Variants in EP400 observed in about 807,000 individuals in gnomAD.
The protein encoded by EP400 is E1A-binding protein p400.
A neutral mutation model predicts 354.1 loss-of-function variants in EP400; 105 were observed. That is an observed-to-expected ratio of 0.30 (90% CI 0.25 to 0.35). The LOEUF (loss-of-function observed/expected upper bound fraction) is 0.35. Ranked by LOEUF, EP400 falls within the 10% of genes least tolerant of loss-of-function variation. The probability of loss-of-function intolerance (pLI) is 1.00; values close to 1 mark genes in which losing one functional copy is unlikely to be tolerated. For missense variants in EP400, 3,280 were observed against 4,121.0 expected (o/e 0.80, Z 5.59); for synonymous variants, 1,646 against 1,716.9 (o/e 0.96, Z 1.02).
intron 7 of EP400, 60 bp from the exon 8 acceptor site, chr12:131,989,904 C>T: frequency 1.3e-5 from 20 of 1,581,140 alleles, no homozygotes; most frequent in Non-Finnish European, 1.6e-5. Context: ...AGTTACATAT[C>T]CTTTTTTTTC....
chr12:131,975,138 G>A (rs1892427432), intron 2 of EP400, among the ~76,000 whole-genome samples: 1 of 152,108 alleles, frequency 6.6e-6, no homozygotes. Context: ...GAACCCAGGG[G>A]CAGCAGGACC....
At chr12:132,011,356 T>TC (rs548642500) in intron 15 of EP400, 142 bp from the exon 16 acceptor site, 19 of 1,019,020 alleles carry the variant, frequency 1.9e-5, no homozygotes, top group East Asian at 1.8e-4. Context: ...ATGCACTTGT[T>TC]CCCCCCCAAG....
chr12:132,009,464 C>T (rs1000179970), intron 15 of EP400, among the ~76,000 whole-genome samples: 1 of 152,092 alleles, frequency 6.6e-6, no homozygotes, highest in South Asian at 2.1e-4. Flanking sequence ...CCAGCTGGAG[C>T]AAGGTCTCAG....
chr12:132,043,234 G>C, intron 32 of EP400, 70 bp from the exon 33 acceptor site: 5 of 1,537,658 alleles, frequency 3.3e-6, no homozygotes, highest in Non-Finnish European at 4.4e-6. Flanking sequence ...CTTTACATGG[G>C]ATAGCTCTTT....
At position 132,045,644 on chromosome 12, in the gene EP400, C is replaced by G. The variant is rs577063518; in HGVS notation, c.7027-83C>G. 6 of 1,603,186 alleles carry G rather than the reference C, an allele frequency of 3.7e-6. No homozygotes were observed. The South Asian group carries it at 5.6e-5, about 15-fold the overall frequency. On this transcript the variant is annotated intron_variant, in intron 38 of 52. Transcript: ENST00000389561. Reference sequence around the variant, plus strand: ...CCGTGCATCCAGCTCACTGTGATCACTTTGCAGGGAGTCTTTGGCAAGAGG... The same window carrying G: ...CCGTGCATCCAGCTCACTGTGATCAGTTTGCAGGGAGTCTTTGGCAAGAGG...
chr12:131,955,611 T>A (rs1361524978), intron 1 of EP400, among the ~76,000 whole-genome samples: 1 of 151,212 alleles, frequency 6.6e-6, no homozygotes, highest in Admixed American at 6.6e-5. Flanking sequence ...TATGGTTGAA[T>A]TTTTTTTCTT....
In EP400 at chr12:132,032,662, ACT is replaced by A. The variant is rs551064885; in HGVS notation, c.5951+516_5951+517del. ...TTTCTTTTTTTTGAGATGGAGTCTT[ACT>A]CTGTCGCTCAGGCGGTAGTGCAGTG... On this transcript the variant is annotated intron_variant, in intron 30 of 52. Transcript: ENST00000389561. Among the ~76,000 whole-genome samples, 473 of 138,638 alleles carry A rather than the reference ACT, an allele frequency of 3.4e-3. 3 individuals are homozygous for A. The highest frequency in any genetic ancestry group is 9.0e-3 in the Middle Eastern group (2 of 222). 91.0% of individuals were successfully genotyped at this position (138,638 alleles called of 152,430 possible). A position where few individuals can be genotyped will look rare whatever the true frequency, so the allele number is the denominator to read the frequency against.
intron 45 of EP400, among the ~76,000 whole-genome samples, chr12:132,055,855 G>GC (rs933615025): frequency 6.6e-6 from 1 of 151,798 alleles, no homozygotes; most frequent in African/African-American, 2.4e-5. Context: ...TGCCGCAGGT[G>GC]CCCCCCATGT....
intron 32 of EP400, among the ~76,000 whole-genome samples, chr12:132,042,681 A>C (rs1894954429): frequency 6.6e-6 from 1 of 152,144 alleles, no homozygotes. Context: ...CCATACCTCC[A>C]TGTCAGATGT....
chr12:131,955,407 C>G (rs555371365), intron 1 of EP400, among the ~76,000 whole-genome samples: 2 of 151,924 alleles, frequency 1.3e-5, no homozygotes, highest in South Asian at 2.1e-4. Flanking sequence ...CTCAGCCTCC[C>G]GAGTAGCTGG....
intron 1 of EP400, 147 bp from the exon 2 acceptor site, chr12:131,960,438 C>G (rs1221992085): frequency 1.2e-6 from 1 of 846,514 alleles, no homozygotes; most frequent in Non-Finnish European, 1.8e-6. Flanking sequence ...ATTTCTCCAG[C>G]TGTGCCATAT....
chr12:131,962,080 A>G, intron 2 of EP400, 126 bp downstream of exon 2: 2 of 1,283,916 alleles, frequency 1.6e-6, no homozygotes, highest in Non-Finnish European at 2.1e-6. Context: ...GTGTTGGGGC[A>G]AGGATTTGAC....
rs1234896962 is a variant in EP400, at chr12:131,981,971, C to T, written c.1544-122C>T. On this transcript the variant is annotated intron_variant, in intron 4 of 52. Transcript: ENST00000389561. ...GTGTGTGCTCGGTTGTGGCCAACTT[C>T]TCGTGTGAGTGTGGTGGGTCTTGGA... 7 of 1,309,034 alleles carry T rather than the reference C, an allele frequency of 5.3e-6. No homozygotes were observed. In the African/African-American group the frequency reaches 1.0e-4, roughly 19 times the overall value. The allele number at this position is 1,309,034 out of a possible 1,614,324, so 81.1% of individuals were successfully genotyped here. A position where few individuals can be genotyped will look rare whatever the true frequency, so the allele number is the denominator to read the frequency against.
Position 132,062,548 on chromosome 12 carries a change from A to ACAGCAGCAGCAGCAACAACAG in EP400, c.8195_8196insACAACAGCAGCAGCAGCAGCA (p.Gln2742_Gln2748dup). 1 of 1,563,770 alleles carries ACAGCAGCAGCAGCAACAACAG rather than the reference A, an allele frequency of 6.4e-7. No individual in the cohort carries two copies. The highest frequency in any genetic ancestry group is 8.7e-7 in the Non-Finnish European group (1 of 1,144,778). On this transcript the variant is annotated inframe_insertion, in exon 47 of 53. Coordinates refer to ENST00000389561, the MANE Select transcript of EP400 (RefSeq NM_015409.5). ...GGCAGCAGCAGCAGCAGCAGCAACA[A>ACAGCAGCAGCAGCAACAACAG]CAGCAGCAGCAGCAGCAGCAGCAGC...
At chr12:132,001,750 C>T (rs532702725) in intron 12 of EP400, among the ~76,000 whole-genome samples, 7 of 152,314 alleles carry the variant, frequency 4.6e-5, no homozygotes, top group South Asian at 2.1e-4. Flanking sequence ...ACAGAAGGCT[C>T]GCACTCTTGT....
Position 131,992,186 on chromosome 12 carries a change from C to A in EP400, c.2693C>A (p.Ser898Tyr), listed in dbSNP as rs1893062136. The change falls in exon 11 of 53, where the codon TCT becomes TAT. Residue 898 changes from serine to tyrosine, a missense_variant. Ser to Tyr is a moderately radical substitution (Grantham distance 144). Around this residue, in one of 20 missense-constraint regions of EP400, gnomAD observed 800 missense variants for 840.0 expected, o/e 0.95. Coordinates refer to ENST00000389561, the MANE Select transcript of EP400 (RefSeq NM_015409.5). The part of the protein sequence containing the change: ...LQESSLDSGM[S>Y]GRKRKASISL... ...CTTTTCTTTCAGGATTCAGGAATGT[C>A]TGGAAGAAAAAGAAAAGCTAGCATA... The A allele has an allele frequency of 1.2e-6, 2 of 1,608,750 alleles. No individual in the cohort carries two copies. The highest frequency in any genetic ancestry group is 1.7e-6 in the Non-Finnish European group (2 of 1,179,966).
chr12:131,955,122 A>G lies in EP400; in HGVS notation c.-36+5086A>G, dbSNP rs528922421. Among the ~76,000 whole-genome samples the G allele has an allele frequency of 3.3e-5, 5 of 152,226 alleles. No homozygotes were observed. In the South Asian group the frequency reaches 1.0e-3, roughly 31 times the overall value. On this transcript the variant is annotated intron_variant, in intron 1 of 52. Transcript: ENST00000389561. ...TTTAGCCACCATTGGTAGCTTTGCT[A>G]TCCATTAGGATACCTGTACTATGTT...
chr12:131,992,121 C>T lies in EP400; in HGVS notation c.2680-52C>T, dbSNP rs1378829196. On this transcript the variant is annotated intron_variant, in intron 10 of 52. Transcript: ENST00000389561. ...CATGGACACTGCTGTCTTGGTTTCC[C>T]ATTCTGAGTGTTTGGATCTCATGCT... 1.1e-5 allele frequency: 17 copies of T among 1,582,990 alleles called. 1 individual carries two copies. The East Asian group carries it at 3.1e-4, about 29-fold the overall frequency.
At chr12:132,003,192 T>TA (rs200737694) in intron 12 of EP400, among the ~76,000 whole-genome samples, 5,981 of 116,536 alleles carry the variant, frequency 0.051, 158 homozygotes, top group Middle Eastern at 0.083. Flanking sequence ...AAAGAAATAT[T>TA]AAAAAAAAAA....
Sources: gnomAD v4.1 joint callset for allele counts (sites outside exome capture counted in the v4.1 genomes callset) on GRCh38, gnomAD v4.1.1 for gene constraint, gnomAD v4.1.1 regional missense constraint, MANE v1.5 for transcripts, NCBI Gene and HGNC (gene_info 2026-07-23, HGNC 2026-07-21) for gene names.